The following FRRS1L variants were observed in gnomAD, a reference collection of about 807,000 sequenced individuals.
FRRS1L encodes ferric chelate reductase 1 like.
Under a neutral mutation model 28.6 loss-of-function variants are expected in FRRS1L, and 22 were observed. That is an observed-to-expected ratio of 0.77 (90% CI 0.55 to 1.10). The LOEUF is 1.10. Ranked by LOEUF, FRRS1L falls within the 50% of genes least tolerant of loss-of-function variation. The probability of loss-of-function intolerance (pLI) is 0.00; values close to 1 mark genes in which losing one functional copy is unlikely to be tolerated. For missense variants in FRRS1L, 380 were observed against 386.9 expected, an observed-to-expected ratio of 0.98 and a Z score of 0.15; for synonymous variants, 158 against 151.4, an observed-to-expected ratio of 1.04 and a Z score of -0.32.
Position 109,166,911 on chromosome 9 carries a change from C to G in FRRS1L, c.228G>C (p.Leu76=). ...FAGEFYDLRY[L]SEEGYPFPTA... The stretch of plus-strand genomic sequence containing the variant: ...CTCCCGCAGCCTCACCCTCCTCCGA[C>G]AGGTAGCGCAGGTCGTAGAACTCCC... Residue 76 remains leucine, a synonymous_variant, in exon 1 of 5, where the codon CTG becomes CTC. Transcript: ENST00000561981. 7.4e-7 allele frequency: 1 copy of G among 1,359,986 alleles called. No homozygotes were observed. Among genetic ancestry groups the G allele is most frequent in the South Asian group, 1.8e-5 (1 of 56,432 alleles). The allele number at this position is 1,359,986 out of a possible 1,614,324, so 84.2% of individuals were successfully genotyped here.
At chr9:109,155,055 G>A (rs757146675) in intron 1 of FRRS1L, among the ~76,000 whole-genome samples, 8 of 152,134 alleles carry the variant, frequency 5.3e-5, no homozygotes, top group Non-Finnish European at 1.0e-4. Context: ...CAGGTTCCAG[G>A]CACAATTTCT....
chr9:109,156,052 A>G (rs12683846), intron 1 of FRRS1L, among the ~76,000 whole-genome samples: 48,460 of 152,118 alleles, frequency 0.32, 8,089 homozygotes, highest in Middle Eastern at 0.37. Flanking sequence ...CATGATTCAC[A>G]GAATCAAAAT....
chr9:109,146,582 A>G (rs918456471), intron 3 of FRRS1L, among the ~76,000 whole-genome samples: 5 of 152,290 alleles, frequency 3.3e-5, no homozygotes, highest in Middle Eastern at 6.8e-3. Context: ...GACGGAAAAA[A>G]GTTGTTTTTC....
intron 3 of FRRS1L, among the ~76,000 whole-genome samples, chr9:109,145,325 C>A (rs1174118852): frequency 6.6e-6 from 1 of 152,200 alleles, no homozygotes; most frequent in Admixed American, 6.5e-5. Context: ...CCCCTGGGTA[C>A]AGAGGAAGAT....
chr9:109,162,529 A>G (rs1245794634), intron 1 of FRRS1L, among the ~76,000 whole-genome samples: 2 of 152,220 alleles, frequency 1.3e-5, no homozygotes, highest in African/African-American at 4.8e-5. Flanking sequence ...TCTCTACAGT[A>G]GCAATAATAG....
intron 3 of FRRS1L, among the ~76,000 whole-genome samples, chr9:109,146,061 G>C (rs1462791304): frequency 6.6e-6 from 1 of 152,096 alleles, no homozygotes; most frequent in Non-Finnish European, 1.5e-5. Flanking sequence ...GCAGGGCGTG[G>C]TGGCAGGTGC....
intron 2 of FRRS1L, 186 bp from the exon 3 acceptor site, chr9:109,147,375 T>C: frequency 1.7e-6 from 1 of 572,152 alleles, no homozygotes; most frequent in Non-Finnish European, 3.1e-6. Flanking sequence ...CTGCCCCACT[T>C]TGTACACAAG....
chr9:109,166,487 G>A (rs2118521523), intron 1 of FRRS1L, among the ~76,000 whole-genome samples: 1 of 152,196 alleles, frequency 6.6e-6, no homozygotes, highest in Non-Finnish European at 1.5e-5. Flanking sequence ...CTTTAGGTTG[G>A]GGTTTTTCTG....
chr9:109,152,627 A>AC (rs1434974953), intron 1 of FRRS1L, among the ~76,000 whole-genome samples: 2 of 149,554 alleles, frequency 1.3e-5, no homozygotes, highest in South Asian at 2.1e-4. Flanking sequence ...ACACAGTGAA[A>AC]CCCGTCTCTA....
rs936685159 is a variant in FRRS1L, at chr9:109,166,949, C to G, written c.190G>C (p.Gly64Arg). The G allele has an allele frequency of 1.0e-5, 14 of 1,363,442 alleles. No homozygotes were observed. The African/African-American group carries it at 1.5e-4, about 15-fold the overall frequency. 84.5% of individuals were successfully genotyped at this position (1,363,442 alleles called of 1,614,324 possible). A position where few individuals can be genotyped will look rare whatever the true frequency, so the allele number is the denominator to read the frequency against. The change falls in exon 1 of 5, where the codon GGC (glycine) becomes CGC (arginine). Residue 64 changes from glycine (G) to arginine (R), a missense_variant. Coordinates refer to ENST00000561981, the MANE Select transcript of FRRS1L (RefSeq NM_014334.4). ...TCGTAGAACTCCCCCGCGAAGGTGC[C>G]GTAGGAGGAGTCGTGGCGCGGCACC... is the stretch of plus-strand genomic sequence containing the variant. ...EAVPRHDSSY[G>R]TFAGEFYDLR... is the part of the protein sequence containing the mutation.
At chr9:109,153,456 C>T (rs548148776) in intron 1 of FRRS1L, among the ~76,000 whole-genome samples, 50 of 152,302 alleles carry the variant, frequency 3.3e-4, no homozygotes, top group African/African-American at 1.2e-3. Flanking sequence ...GAGGAGAAGG[C>T]ATGGAAACTC....
intron 1 of FRRS1L, among the ~76,000 whole-genome samples, chr9:109,158,047 T>TA (rs1357006258): frequency 4.6e-5 from 7 of 152,222 alleles, no homozygotes; most frequent in Non-Finnish European, 8.8e-5. Flanking sequence ...AGCTGGAAAC[T>TA]ATTCCTTCTT....
intron 1 of FRRS1L, chr9:109,150,975 T>G (rs1222105682): frequency 2.6e-5 from 4 of 152,208 alleles, no homozygotes; most frequent in Non-Finnish European, 5.9e-5. Context: ...CTTGTTATTT[T>G]TAAGTTTTTT....
At chr9:109,160,824 G>A (rs1831472314) in intron 1 of FRRS1L, among the ~76,000 whole-genome samples, 2 of 128,036 alleles carry the variant, frequency 1.6e-5, no homozygotes, top group Non-Finnish European at 3.1e-5. Flanking sequence ...ACAGAGTCTC[G>A]CTCTGTCGCC....
rs1831564263 is a variant in FRRS1L at position 109,167,077 on chromosome 9, G to A, written c.62C>T (p.Thr21Met). Reference protein sequence around the residue: ...VWASLLLLLLTGPAACAASPA... With the variant: ...VWASLLLLLLMGPAACAASPA... ...GCTGGCTGCGCAGGCGGCGGGCCCC[G>A]TCAGTAGCAGCAGGAGCAGCGACGC... Residue 21 changes from threonine (T) to methionine (M), a missense_variant, in exon 1 of 5, where the codon ACG becomes ATG. Coordinates refer to ENST00000561981, the MANE Select transcript of FRRS1L (RefSeq NM_014334.4). The A allele has an allele frequency of 2.5e-6, 3 of 1,178,904 alleles. No individual in the cohort carries two copies. The highest frequency in any genetic ancestry group is 3.7e-5 in the South Asian group (1 of 26,788). 73.0% of individuals were successfully genotyped at this position (1,178,904 alleles called of 1,614,324 possible).
chr9:109,144,917 T>C (rs545366532), intron 3 of FRRS1L, among the ~76,000 whole-genome samples: 1 of 152,302 alleles, frequency 6.6e-6, no homozygotes, highest in Admixed American at 6.5e-5. Context: ...ACTCCTGACC[T>C]CAGGCGATCC....
At chr9:109,165,535 A>C (rs1831537774) in intron 1 of FRRS1L, among the ~76,000 whole-genome samples, 1 of 152,230 alleles carries the variant, frequency 6.6e-6, no homozygotes, top group South Asian at 2.1e-4. Flanking sequence ...AGCTTATTTA[A>C]ACCACTATAT....
intron 1 of FRRS1L, among the ~76,000 whole-genome samples, chr9:109,163,254 G>A (rs1438943461): frequency 6.6e-6 from 1 of 152,180 alleles, no homozygotes; most frequent in East Asian, 1.9e-4. Flanking sequence ...AACCTCAAGG[G>A]AAAGAAGTAT....
At position 109,134,057 on chromosome 9, in the gene FRRS1L, A is replaced by G. The variant is rs1332900689; in HGVS notation, c.*3398T>C. 2 of 152,314 alleles carry G rather than the reference A, an allele frequency of 1.3e-5. No homozygotes were observed. Among genetic ancestry groups the G allele is most frequent in the Admixed American group, 6.5e-5 (1 of 15,298 alleles). 9.4% of individuals were successfully genotyped at this position (152,314 alleles called of 1,614,324 possible). ...GATGTTTCTATTTATGTTTCAAAAGACAAAGTTCAGTGTTTGCTAACATAA... is the reference window on the plus strand; with the variant it reads ...GATGTTTCTATTTATGTTTCAAAAGGCAAAGTTCAGTGTTTGCTAACATAA... On this transcript the variant is annotated 3_prime_UTR_variant, in exon 5 of 5. Transcript: ENST00000561981.
Sources: gnomAD v4.1 joint callset for allele counts (sites outside exome capture counted in the v4.1 genomes callset) on GRCh38, gnomAD v4.1.1 for gene constraint, MANE v1.5 for transcripts, NCBI Gene and HGNC (gene_info 2026-07-23, HGNC 2026-07-21) for gene names.